The following CSMD3 variants were observed in gnomAD, a reference collection of about 807,000 sequenced individuals.
The protein encoded by CSMD3 is CUB and Sushi multiple domains 3, also known as CUB and sushi domain-containing protein 3.
Under a neutral mutation model 435.2 loss-of-function variants are expected in CSMD3, and 177 were observed. The observed-to-expected ratio is 0.41, with a 90% CI of 0.36 to 0.46. The LOEUF (loss-of-function observed/expected upper bound fraction) is 0.46. CSMD3 is among the 20% of genes least tolerant of loss of function. The pLI, the probability that CSMD3 is intolerant of heterozygous loss-of-function variation, is 0.34. For missense variants in CSMD3, 4,265 were observed against 4,504.6 expected (o/e 0.95, Z 1.52); for synonymous variants, 1,656 against 1,520.5 (o/e 1.09, Z -2.07).
chr8:112,325,255 A>G (rs1425288855), intron 45 of CSMD3, among the ~76,000 whole-genome samples: 1 of 152,102 alleles, frequency 6.6e-6, no homozygotes, highest in East Asian at 1.9e-4. Flanking sequence ...AATGGTTGAG[A>G]GCTTAACATT....
intron 5 of CSMD3, among the ~76,000 whole-genome samples, chr8:113,061,311 A>G (rs2088602517): frequency 6.6e-6 from 1 of 152,120 alleles, no homozygotes; most frequent in Non-Finnish European, 1.5e-5. Flanking sequence ...CAGCTTTAGT[A>G]TCAAATAGAC....
In CSMD3 at chr8:112,405,796, AG is replaced by A. The variant is rs1332448177; in HGVS notation, c.5809+727del. Among the ~76,000 whole-genome samples the A allele has an allele frequency of 1.2e-3, 186 of 152,240 alleles. 2 individuals carry two copies. Among genetic ancestry groups the A allele is most frequent in the Non-Finnish European group, 1.3e-4 (9 of 68,004 alleles). On this transcript the variant is annotated intron_variant, in intron 35 of 70. Coordinates refer to ENST00000297405, the MANE Select transcript of CSMD3 (RefSeq NM_198123.2). Reference sequence around the variant, plus strand: ...TGACCAAGCAAAATATTTCCAGAAAAGTCAGCTTTTGGATTCTTAAAAGATC... The same window carrying A: ...TGACCAAGCAAAATATTTCCAGAAAATCAGCTTTTGGATTCTTAAAAGATC...
intron 3 of CSMD3, among the ~76,000 whole-genome samples, chr8:113,241,035 T>A (rs937929673): frequency 1.6e-4 from 25 of 152,242 alleles, no homozygotes; most frequent in African/African-American, 5.8e-4. Flanking sequence ...ATTATCAAGA[T>A]ATTAGCTGAT....
intron 1 of CSMD3, among the ~76,000 whole-genome samples, chr8:113,354,110 A>G (rs1178704144): frequency 6.6e-6 from 1 of 152,170 alleles, no homozygotes; most frequent in Non-Finnish European, 1.5e-5. Context: ...CGACCATTGC[A>G]TGTTTCTCAA....
chr8:113,179,722 A>C (rs746779459), intron 3 of CSMD3, among the ~76,000 whole-genome samples: 1 of 151,854 alleles, frequency 6.6e-6, no homozygotes, highest in Non-Finnish European at 1.5e-5. Context: ...ATGCAATTTA[A>C]ATCTTGAAAG....
chr8:112,383,579 C>G lies in CSMD3; in HGVS notation c.6019G>C (p.Gly2007Arg). The stretch of plus-strand genomic sequence containing the variant: ...CTCTCTTATTTACCTGAATAGCTTC[C>G]AAGTCTTGGAGCATTGTTGTCTCCC... Reference protein sequence around the residue: ...DGGDNNAPRLGSYSGTTIPHL... With the variant: ...DGGDNNAPRLRSYSGTTIPHL... Residue 2007 changes from glycine to arginine, a missense_variant, in exon 37 of 71, where the codon GGA (glycine) becomes CGA (arginine). Coordinates refer to ENST00000297405, the MANE Select transcript of CSMD3 (RefSeq NM_198123.2). The G allele has an allele frequency of 6.4e-7, 1 of 1,568,316 alleles. No individual in the cohort carries two copies. Among genetic ancestry groups the G allele is most frequent in the Admixed American group, 1.7e-5 (1 of 59,924 alleles).
intron 1 of CSMD3, among the ~76,000 whole-genome samples, chr8:113,413,914 T>A (rs1409090132): frequency 6.6e-6 from 1 of 152,216 alleles, no homozygotes; most frequent in Non-Finnish European, 1.5e-5. Context: ...GGAAACTGAA[T>A]GTTTTTCAAG....
chr8:112,970,988 T>C (rs1471159946), intron 7 of CSMD3, among the ~76,000 whole-genome samples: 2 of 152,182 alleles, frequency 1.3e-5, no homozygotes, highest in Non-Finnish European at 2.9e-5. Flanking sequence ...CCCAAAGTGC[T>C]GGGATGACAG....
At chr8:112,341,411 C>G in intron 42 of CSMD3, 66 bp downstream of exon 42, 1 of 1,029,834 alleles carries the variant, frequency 9.7e-7, no homozygotes, top group Non-Finnish European at 1.5e-6. Flanking sequence ...TAATTAGACT[C>G]AGTTAAATAT....
chr8:113,068,451 C>T (rs2131392622), intron 5 of CSMD3, among the ~76,000 whole-genome samples: 1 of 152,202 alleles, frequency 6.6e-6, no homozygotes, highest in Middle Eastern at 3.4e-3. Context: ...CTATGATGGG[C>T]AGAGTAACTA....
intron 4 of CSMD3, among the ~76,000 whole-genome samples, chr8:113,100,593 C>A (rs972717309): frequency 6.6e-6 from 1 of 151,972 alleles, no homozygotes; most frequent in Non-Finnish European, 1.5e-5. Flanking sequence ...CTGGATCACA[C>A]TCAGATTAAA....
At chr8:112,933,833 A>G (rs1870405) in intron 9 of CSMD3, among the ~76,000 whole-genome samples, 55,744 of 151,760 alleles carry the variant, frequency 0.37, 10,411 homozygotes, top group East Asian at 0.42. Flanking sequence ...TAGAAAGTTT[A>G]CAAACTTTCT....
chr8:112,845,734 A>C (rs1415960471), intron 11 of CSMD3, among the ~76,000 whole-genome samples: 1 of 152,100 alleles, frequency 6.6e-6, no homozygotes. Flanking sequence ...AGATTTGCTA[A>C]TTGGAAAGCT....
intron 5 of CSMD3, among the ~76,000 whole-genome samples, chr8:113,046,111 C>T (rs2087818787): frequency 6.7e-6 from 1 of 149,140 alleles, no homozygotes; most frequent in African/African-American, 2.4e-5. Context: ...GTACCCTCAG[C>T]CTGGCAAGCG....
chr8:112,255,401 G>C lies in CSMD3; in HGVS notation c.9889C>G (p.Pro3297Ala), dbSNP rs574917618. ...LPKFCGDPGI[P>A]AQGKREGKSF... ...TTGCCTTCTCTTTTTCCTTGGGCAG[G>C]TATACCAGGGTCACCACAAAACTTT... The change falls in exon 62 of 71, where the codon CCT (proline) becomes GCT (alanine). Residue 3297 changes from proline to alanine, a missense_variant. By Grantham distance (27) the Pro-to-Ala change is conservative. This residue lies in a region of CSMD3 where 3,255 missense variants were observed against 3,380.2 expected (regional missense o/e 0.96). Coordinates refer to ENST00000297405, the MANE Select transcript of CSMD3 (RefSeq NM_198123.2). The C allele has an allele frequency of 1.2e-6, 2 of 1,613,530 alleles. No individual in the cohort carries two copies. Among genetic ancestry groups the C allele is most frequent in the Non-Finnish European group, 1.7e-6 (2 of 1,179,730 alleles).
chr8:113,410,619 C>T (rs1254593497), intron 1 of CSMD3, among the ~76,000 whole-genome samples: 4 of 151,742 alleles, frequency 2.6e-5, no homozygotes, highest in African/African-American at 4.8e-5. Context: ...ATCTTTGGAA[C>T]TTTACTATTA....
intron 3 of CSMD3, among the ~76,000 whole-genome samples, chr8:113,239,539 A>ATCTATCATCTG: frequency 6.9e-6 from 1 of 145,894 alleles, no homozygotes; most frequent in African/African-American, 2.6e-5. Context: ...TCTATCATCT[A>ATCTATCATCTG]TCTTATCAGT....
intron 4 of CSMD3, among the ~76,000 whole-genome samples, chr8:113,106,817 T>C (rs2090490908): frequency 6.6e-6 from 1 of 152,228 alleles, no homozygotes; most frequent in Non-Finnish European, 1.5e-5. Context: ...TTGCAATCTT[T>C]GTTATCCACA....
chr8:112,467,388 C>T (rs1046794668), intron 32 of CSMD3, among the ~76,000 whole-genome samples: 1 of 152,076 alleles, frequency 6.6e-6, no homozygotes, highest in African/African-American at 2.4e-5. Context: ...AATTAAGTCA[C>T]CATCGACTAT....
Sources: allele counts gnomAD v4.1 joint callset (sites outside exome capture counted in the v4.1 genomes callset), GRCh38; gene constraint gnomAD v4.1.1; regional missense constraint gnomAD v4.1.1; transcripts MANE v1.5; gene names NCBI Gene and HGNC (gene_info 2026-07-23, HGNC 2026-07-21).